The following IQUB variants were observed in gnomAD, a reference collection of about 807,000 sequenced individuals.
IQUB encodes IQ motif and ubiquitin-like domain-containing protein.
A neutral mutation model predicts 86.4 loss-of-function variants in IQUB; 86 were observed. The observed-to-expected ratio is 1.00, with a 90% CI of 0.84 to 1.19. The LOEUF (loss-of-function observed/expected upper bound fraction) is 1.19. IQUB is among the 50% of genes most tolerant of loss of function. The pLI is 0.00. For synonymous variants in IQUB, 289 were observed against 304.5 expected (o/e 0.95, Z 0.53); for missense variants, 946 against 916.9 (o/e 1.03, Z -0.41).
chr7:123,469,204 G>A lies in IQUB; in HGVS notation c.1581+10C>T. On this transcript the variant is annotated intron_variant, in intron 9 of 12. Coordinates refer to ENST00000324698, the MANE Select transcript of IQUB (RefSeq NM_178827.5). ...AACTCTACCCCCAAACTAAGAGAAA[G>A]TTAACATACCTTTACAGTGTGTTTA... The A allele has an allele frequency of 6.8e-7, 1 of 1,466,706 alleles. No homozygotes were observed. The highest frequency in any genetic ancestry group is 9.1e-7 in the Non-Finnish European group (1 of 1,103,466). 90.9% of individuals were successfully genotyped at this position (1,466,706 alleles called of 1,614,324 possible). A position where few individuals can be genotyped will look rare whatever the true frequency, so the allele number is the denominator to read the frequency against.
intron 8 of IQUB, among the ~76,000 whole-genome samples, chr7:123,470,013 C>A (rs1794451671): frequency 6.6e-6 from 1 of 152,132 alleles, no homozygotes; most frequent in African/African-American, 2.4e-5. Context: ...TGGCTTGGTG[C>A]CTCCCAACCT....
intron 1 of IQUB, among the ~76,000 whole-genome samples, chr7:123,514,007 G>C (rs532788881): frequency 6.6e-6 from 1 of 152,016 alleles, no homozygotes; most frequent in Non-Finnish European, 1.5e-5. Flanking sequence ...AAAAGAATAC[G>C]GATCCTCAGA....
chr7:123,503,863 G>A (rs955803745), intron 3 of IQUB, among the ~76,000 whole-genome samples: 2 of 151,942 alleles, frequency 1.3e-5, no homozygotes, highest in African/African-American at 4.8e-5. Context: ...GCATTCTTGA[G>A]AAGGAATTCG....
intron 2 of IQUB, among the ~76,000 whole-genome samples, 157 bp from the exon 3 acceptor site, chr7:123,510,192 A>G (rs1562867236): frequency 6.6e-6 from 1 of 152,116 alleles, no homozygotes; most frequent in East Asian, 1.9e-4. Context: ...CAATGATAAC[A>G]GTTACTTTTA....
At chr7:123,466,110 C>T (rs1794249782) in intron 9 of IQUB, among the ~76,000 whole-genome samples, 1 of 151,904 alleles carries the variant, frequency 6.6e-6, no homozygotes, top group African/African-American at 2.4e-5. Flanking sequence ...TAGATACACA[C>T]ATATTCTCAA....
At chr7:123,517,502 G>A (rs1443582438) in intron 1 of IQUB, among the ~76,000 whole-genome samples, 10 of 114,906 alleles carry the variant, frequency 8.7e-5, no homozygotes, top group African/African-American at 3.1e-4. Flanking sequence ...CTGCACTCCA[G>A]CCTGGGTGAC....
At chr7:123,468,488 T>TTAA (rs1794362331) in intron 9 of IQUB, among the ~76,000 whole-genome samples, 1 of 152,158 alleles carries the variant, frequency 6.6e-6, no homozygotes, top group Non-Finnish European at 1.5e-5. Flanking sequence ...TTGCTCTCTA[T>TTAA]TAAAGAAAGT....
chr7:123,505,499 T>C (rs1310184289), intron 3 of IQUB, among the ~76,000 whole-genome samples: 1 of 152,202 alleles, frequency 6.6e-6, no homozygotes, highest in East Asian at 1.9e-4. Flanking sequence ...CAAGCCTCAA[T>C]TCTTGCCTTC....
chr7:123,466,096 T>C (rs1201747417), intron 9 of IQUB, among the ~76,000 whole-genome samples: 3 of 152,060 alleles, frequency 2.0e-5, no homozygotes, highest in Admixed American at 2.0e-4. Flanking sequence ...TACATACATG[T>C]AGATAGATAC....
At chr7:123,500,456 A>C (rs1332949955) in intron 6 of IQUB, among the ~76,000 whole-genome samples, 2 of 152,220 alleles carry the variant, frequency 1.3e-5, no homozygotes, top group African/African-American at 4.8e-5. Context: ...ATGAAATAGC[A>C]AGAATGAGTC....
intron 9 of IQUB, 107 bp from the exon 10 acceptor site, chr7:123,465,116 C>A: frequency 1.4e-6 from 1 of 718,222 alleles, no homozygotes; most frequent in Non-Finnish European, 2.3e-6. Flanking sequence ...AGAAATGAAA[C>A]ATTGTCAATA....
At chr7:123,467,319 G>A (rs1332441815) in intron 9 of IQUB, among the ~76,000 whole-genome samples, 1 of 152,000 alleles carries the variant, frequency 6.6e-6, no homozygotes, top group Non-Finnish European at 1.5e-5. Context: ...CTTCAGCACT[G>A]AAGCAGACTC....
intron 1 of IQUB, among the ~76,000 whole-genome samples, chr7:123,521,735 T>C (rs1796915835): frequency 6.6e-6 from 1 of 151,536 alleles, no homozygotes. Flanking sequence ...GTGCCTAAGG[T>C]TCATAGGTCC....
intron 1 of IQUB, among the ~76,000 whole-genome samples, chr7:123,517,091 G>A (rs1386024656): frequency 6.6e-6 from 1 of 152,138 alleles, no homozygotes; most frequent in Non-Finnish European, 1.5e-5. Context: ...TACACACAGT[G>A]GGTTTGCATC....
At chr7:123,454,589 T>A (rs1002968369) in intron 12 of IQUB, among the ~76,000 whole-genome samples, 1 of 152,090 alleles carries the variant, frequency 6.6e-6, no homozygotes, top group Admixed American at 6.6e-5. Flanking sequence ...TTTTTTCCCA[T>A]TGAAATAAGG....
chr7:123,521,800 T>C (rs1796918704), intron 1 of IQUB, among the ~76,000 whole-genome samples: 1 of 152,104 alleles, frequency 6.6e-6, no homozygotes, highest in South Asian at 2.1e-4. Context: ...ACATTAGTTG[T>C]TTATAAAAAG....
chr7:123,488,019 T>C (rs763095280), intron 7 of IQUB, among the ~76,000 whole-genome samples: 19 of 152,198 alleles, frequency 1.2e-4, no homozygotes, highest in Middle Eastern at 3.4e-3. Flanking sequence ...AAAATTTCTA[T>C]TATTAAACAC....
chr7:123,509,348 G>A (rs563380127), intron 3 of IQUB, among the ~76,000 whole-genome samples: 1 of 152,172 alleles, frequency 6.6e-6, no homozygotes, highest in African/African-American at 2.4e-5. Context: ...TTAATGTACA[G>A]AATACTCATA....
chr7:123,453,395 A>G (rs1251679398), intron 12 of IQUB, among the ~76,000 whole-genome samples: 2 of 148,642 alleles, frequency 1.3e-5, no homozygotes, highest in Non-Finnish European at 3.0e-5. Flanking sequence ...AGATAACTAA[A>G]TATCTTCCAA....
Sources: gnomAD v4.1 joint callset for allele counts (sites outside exome capture counted in the v4.1 genomes callset) on GRCh38, gnomAD v4.1.1 for gene constraint, MANE v1.5 for transcripts, NCBI Gene and HGNC (gene_info 2026-07-23, HGNC 2026-07-21) for gene names.